The following GLYATL2 variants were observed in gnomAD, a reference collection of about 807,000 sequenced individuals.
The protein encoded by GLYATL2 is glycine-N-acyltransferase like 2.
In GLYATL2, 25 loss-of-function variants were observed where a neutral mutation model predicts 21.4. The observed-to-expected ratio is 1.17, with a 90% CI of 0.85 to 1.63. GLYATL2 has a LOEUF of 1.63. Ranked by LOEUF, GLYATL2 falls within the 40% of genes most tolerant of loss-of-function variation. The pLI is 0.00. For synonymous variants in GLYATL2, 114 were observed against 118.2 expected, an observed-to-expected ratio of 0.96 and a Z score of 0.23; for missense variants, 361 against 343.3, an observed-to-expected ratio of 1.05 and a Z score of -0.41.
chr11:58,838,826 T>A (rs1305214742), intron 2 of GLYATL2, among the ~76,000 whole-genome samples: 1 of 152,094 alleles, frequency 6.6e-6, no homozygotes, highest in Non-Finnish European at 1.5e-5. Context: ...GAGAGATATA[T>A]GTATATGGTG....
In GLYATL2 at chr11:58,894,395, C is replaced by A. The variant is rs80304187; in HGVS notation, n.60+9761G>T. 9.9e-3 allele frequency among the ~76,000 whole-genome samples: 1,396 copies of A among 140,726 alleles called. 7 individuals are homozygous for A. Among genetic ancestry groups the A allele is most frequent in the Non-Finnish European group, 0.016 (1,052 of 66,272 alleles). 92.3% of individuals were successfully genotyped at this position (140,726 alleles called of 152,430 possible). ...GATCTTAAAAAAGAATTACACTTCA[C>A]GAACAAAATGTGGCTTCCTTTGGCT... On this transcript the variant is annotated intron_variant and non_coding_transcript_variant, in intron 1 of 4. Coordinates refer to the GLYATL2 transcript ENST00000533636.
In GLYATL2 at chr11:58,876,726, CTTG is replaced by C. The variant is rs1385275342; in HGVS notation, n.60+27427_60+27429del. Among the ~76,000 whole-genome samples the C allele has an allele frequency of 2.6e-5, 4 of 152,212 alleles. No individual in the cohort carries two copies. In the East Asian group the frequency reaches 7.7e-4, roughly 29 times the overall value. ...TGGGGGGTGCCTCCCAGTTAGGCTA[CTTG>C]GGGGTCAGGGGCCCACTTGAGGAGG... is the stretch of plus-strand genomic sequence containing the variant. On this transcript the variant is annotated intron_variant and non_coding_transcript_variant, in intron 1 of 4. Transcript: ENST00000533636.
upstream of GLYATL2, chr11:58,905,261 G>A (rs559235639): frequency 5.1e-5 from 18 of 355,986 alleles, no homozygotes; most frequent in East Asian, 3.0e-4. Flanking sequence ...GATCATTTGC[G>A]GAGCAGGCCA....
intron 2 of GLYATL2, 119 bp from the exon 3 acceptor site, chr11:58,838,487 G>A: frequency 1.6e-6 from 1 of 616,986 alleles, no homozygotes; most frequent in South Asian, 2.1e-5. Flanking sequence ...GAGGACTTAG[G>A]ATGGGCCAGT....
At chr11:58,904,240 C>T (rs1475495079), upstream of GLYATL2, 7 of 152,196 alleles carry the variant, frequency 4.6e-5, no homozygotes, top group Non-Finnish European at 1.0e-4. Context: ...TATTGTCCTC[C>T]TAGAGTTTGT....
chr11:58,854,816 T>G (rs1853801284), intron 1 of GLYATL2, among the ~76,000 whole-genome samples: 1 of 152,240 alleles, frequency 6.6e-6, no homozygotes, highest in Non-Finnish European at 1.5e-5. Flanking sequence ...TCCTTTGTTA[T>G]CATTTCAGCA....
At chr11:58,837,422 T>C in intron 3 of GLYATL2, 25 bp from the exon 4 acceptor site, 1 of 1,602,744 alleles carries the variant, frequency 6.2e-7, no homozygotes, top group Non-Finnish European at 8.5e-7. Context: ...ATCAATTATA[T>C]TTACATAGCG....
At chr11:58,852,213 A>G (rs113394330) in intron 1 of GLYATL2, among the ~76,000 whole-genome samples, 1,574 of 152,288 alleles carry the variant, frequency 0.01, 15 homozygotes, top group South Asian at 0.022. Flanking sequence ...CCCTCTTTCC[A>G]TGAGATCGTA....
chr11:58,871,942 C>T (rs1249977869), intron 1 of GLYATL2, among the ~76,000 whole-genome samples: 2 of 152,126 alleles, frequency 1.3e-5, no homozygotes, highest in Non-Finnish European at 1.5e-5. Flanking sequence ...CTCTCCAGCA[C>T]CTGTTGTTTC....
At chr11:58,886,659 A>G (rs1854446202) in intron 1 of GLYATL2, among the ~76,000 whole-genome samples, 1 of 152,232 alleles carries the variant, frequency 6.6e-6, no homozygotes, top group African/African-American at 2.4e-5. Flanking sequence ...ACATACAAGG[A>G]ATACATGATT....
At chr11:58,903,572 C>T (rs2134631736) in intron 1 of GLYATL2, among the ~76,000 whole-genome samples, 4 of 152,180 alleles carry the variant, frequency 2.6e-5, no homozygotes, top group Admixed American at 2.6e-4. Flanking sequence ...GCTCAGGAGG[C>T]TGAGGCATGA....
chr11:58,894,476 C>CCA lies in GLYATL2; in HGVS notation n.60+9679_60+9680insTG, dbSNP rs5792135. Reference sequence around the variant, plus strand: ...ATTACTGTGAACATTGCAGCTATAGCAAAAAAAAAAAAAAAAAGCATTTTC... The same window carrying CCA: ...ATTACTGTGAACATTGCAGCTATAGCCAAAAAAAAAAAAAAAAAAGCATTTTC... On this transcript the variant is annotated intron_variant and non_coding_transcript_variant, in intron 1 of 4. Transcript: ENST00000533636. Among the ~76,000 whole-genome samples, 58 of 116,554 alleles carry CCA rather than the reference C, an allele frequency of 5.0e-4. 21 individuals carry two copies. Among genetic ancestry groups the CCA allele is most frequent in the Non-Finnish European group, 6.4e-4 (37 of 57,916 alleles). The allele number at this position is 116,554 out of a possible 152,430, so 76.5% of individuals were successfully genotyped here. A position where few individuals can be genotyped will look rare whatever the true frequency, so the allele number is the denominator to read the frequency against.
At chr11:58,893,879 C>T (rs75080638) in intron 1 of GLYATL2, among the ~76,000 whole-genome samples, 185 of 152,162 alleles carry the variant, frequency 1.2e-3, no homozygotes, top group African/African-American at 4.1e-3. Context: ...TAAATAAATA[C>T]CCCTGTTTAT....
At chr11:58,879,151 T>A (rs1299104823) in intron 1 of GLYATL2, among the ~76,000 whole-genome samples, 1 of 139,140 alleles carries the variant, frequency 7.2e-6, no homozygotes, top group Non-Finnish European at 1.5e-5. Flanking sequence ...ATAATTCTCA[T>A]CTTTAACTAT....
At chr11:58,883,238 T>A (rs1211494969) in intron 1 of GLYATL2, among the ~76,000 whole-genome samples, 2 of 152,142 alleles carry the variant, frequency 1.3e-5, no homozygotes, top group Non-Finnish European at 2.9e-5. Context: ...CGTTGAGCAG[T>A]GGTTTGTAGT....
chr11:58,896,341 A>C (rs1854634989), intron 1 of GLYATL2, among the ~76,000 whole-genome samples: 1 of 152,174 alleles, frequency 6.6e-6, no homozygotes, highest in Non-Finnish European at 1.5e-5. Flanking sequence ...AAGCTCATCT[A>C]TAAAACTAAC....
chr11:58,901,581 C>G (rs1431688777), intron 1 of GLYATL2, among the ~76,000 whole-genome samples: 3 of 152,070 alleles, frequency 2.0e-5, no homozygotes, highest in Non-Finnish European at 4.4e-5. Flanking sequence ...AGACTTCCCC[C>G]ACCCCCACCA....
At chr11:58,876,223 C>T (rs532881582) in intron 1 of GLYATL2, among the ~76,000 whole-genome samples, 75 of 152,118 alleles carry the variant, frequency 4.9e-4, no homozygotes, top group Non-Finnish European at 9.1e-4. Flanking sequence ...AACTTCTTTG[C>T]CATTGGTTCT....
At chr11:58,899,056 T>G (rs1009337105) in intron 1 of GLYATL2, among the ~76,000 whole-genome samples, 4 of 152,166 alleles carry the variant, frequency 2.6e-5, no homozygotes, top group Admixed American at 6.5e-5. Flanking sequence ...TTTTTCCATT[T>G]TATACATAAG....
Sources: allele counts gnomAD v4.1 joint callset (sites outside exome capture counted in the v4.1 genomes callset), GRCh38; gene constraint gnomAD v4.1.1; transcripts MANE v1.5; gene names NCBI Gene and HGNC (gene_info 2026-07-23, HGNC 2026-07-21).